The following BSPRY variants were observed in gnomAD, a reference collection of about 807,000 sequenced individuals.
BSPRY encodes B-box and SPRY domain containing, also known as B box and SPRY domain-containing protein.
In BSPRY, 33 loss-of-function variants were observed where a neutral mutation model predicts 38.0. The ratio of observed to expected loss-of-function variants is 0.87; its 90% CI spans 0.66 to 1.16. The LOEUF (loss-of-function observed/expected upper bound fraction) is 1.16, where lower values mean the gene tolerates loss of function less well. Ranked by LOEUF, BSPRY falls within the 50% of genes most tolerant of loss-of-function variation. BSPRY has a pLI of 0.00. For missense variants in BSPRY, 523 were observed against 533.2 expected (o/e 0.98, Z 0.19); for synonymous variants, 224 against 228.5 (o/e 0.98, Z 0.18).
intron 1 of BSPRY, among the ~76,000 whole-genome samples, chr9:113,351,386 A>C (rs1177281390): frequency 6.6e-6 from 1 of 152,164 alleles, no homozygotes; most frequent in Non-Finnish European, 1.5e-5. Context: ...ATTATTACCA[A>C]AACCAGCACC....
chr9:113,357,831 C>T (rs1284337996), intron 2 of BSPRY, among the ~76,000 whole-genome samples: 1 of 144,934 alleles, frequency 6.9e-6, no homozygotes, highest in Non-Finnish European at 1.5e-5. Flanking sequence ...GCCTTGGCCT[C>T]CCAAACTGCT....
chr9:113,366,018 T>C (rs1181859002), intron 4 of BSPRY, among the ~76,000 whole-genome samples: 2 of 152,156 alleles, frequency 1.3e-5, no homozygotes, highest in Non-Finnish European at 2.9e-5. Flanking sequence ...TTAGCCAGGC[T>C]GGTCTCGAAC....
intron 4 of BSPRY, 57 bp downstream of exon 4, chr9:113,362,451 A>G: frequency 7.1e-6 from 11 of 1,551,410 alleles, no homozygotes; most frequent in South Asian, 2.2e-5. Context: ...AGACCTCTTC[A>G]CACTCCACTG....
At position 113,369,791 on chromosome 9, in the gene BSPRY, T is replaced by C; in HGVS notation, c.858T>C (p.His286=). 6.2e-7 allele frequency: 1 copy of C among 1,614,240 alleles called. No individual in the cohort carries two copies. Among genetic ancestry groups the C allele is most frequent in the Non-Finnish European group, 8.5e-7 (1 of 1,180,034 alleles). ...CCACCTCCTTCCAGAATGGGCTCCA[T>C]GCCTGGATGGTGAATGTCCAGAACA... ...LAATSFQNGL[H]AWMVNVQNSC... is the part of the protein sequence containing the mutation. The change falls in exon 6 of 6, where the codon CAT becomes CAC. Residue 286 remains histidine, a synonymous_variant. Coordinates refer to ENST00000374183, the MANE Select transcript of BSPRY (RefSeq NM_017688.3).
At chr9:113,353,480 A>G (rs1335274181) in intron 1 of BSPRY, among the ~76,000 whole-genome samples, 1 of 152,180 alleles carries the variant, frequency 6.6e-6, no homozygotes, top group Non-Finnish European at 1.5e-5. Context: ...GGGCGGGCAG[A>G]TCACCTGAGG....
At chr9:113,357,886 C>CTATATATATATATA (rs59328879) in intron 2 of BSPRY, among the ~76,000 whole-genome samples, 3 of 96,830 alleles carry the variant, frequency 3.1e-5, no homozygotes, top group African/African-American at 8.6e-5. Flanking sequence ...CTGTAGAGTT[C>CTATATATATATATA]TATATATATA....
chr9:113,369,714 G>C lies in BSPRY; in HGVS notation c.781G>C (p.Ala261Pro), dbSNP rs34089316. The change falls in exon 6 of 6, where the codon GCC becomes CCC. Residue 261 changes from alanine (A) to proline (P), a missense_variant. Transcript: ENST00000374183. ...GACCTTCAGCACCAAGAAGTCAAAG[G>C]CCTGTGCAGATGGCCCGGAGCGCTT... The part of the protein sequence containing the change: ...TLTFSTKKSK[A>P]CADGPERFDH... 2,245 of 1,614,194 alleles carry C rather than the reference G, an allele frequency of 1.4e-3. 3 individuals carry two copies. Among genetic ancestry groups the C allele is most frequent in the Non-Finnish European group, 1.8e-3 (2,067 of 1,180,038 alleles).
At chr9:113,350,932 G>A (rs184507645) in intron 1 of BSPRY, among the ~76,000 whole-genome samples, 1 of 152,228 alleles carries the variant, frequency 6.6e-6, no homozygotes, top group East Asian at 1.9e-4. Flanking sequence ...CCTTTGAAGG[G>A]GTCCTACCTA....
chr9:113,349,561 A>C lies in BSPRY; in HGVS notation c.-19A>C. The stretch of plus-strand genomic sequence containing the variant: ...CCGCCACCTGCGACAGGTGGAGCGC[A>C]CGGGGCGGGCGCACGGCCATGTCCG... On this transcript the variant is annotated 5_prime_UTR_variant, in exon 1 of 6. Coordinates refer to ENST00000374183, the MANE Select transcript of BSPRY (RefSeq NM_017688.3). The C allele has an allele frequency of 8.8e-7, 1 of 1,134,540 alleles. No homozygotes were observed. The highest frequency in any genetic ancestry group is 1.1e-6 in the Non-Finnish European group (1 of 926,650). 70.3% of individuals were successfully genotyped at this position (1,134,540 alleles called of 1,614,324 possible).
At chr9:113,363,876 CAAAAAAAAAAAA>C (rs57026104) in intron 4 of BSPRY, among the ~76,000 whole-genome samples, 5 of 37,568 alleles carry the variant, frequency 1.3e-4, no homozygotes, top group African/African-American at 2.6e-4. Flanking sequence ...GACTCCACCT[CAAAAAAAAAAAA>C]AAAAAAAAAA....
At chr9:113,368,475 C>A in intron 5 of BSPRY, 92 bp downstream of exon 5, 1 of 1,487,754 alleles carries the variant, frequency 6.7e-7, no homozygotes, top group Non-Finnish European at 9.1e-7. Flanking sequence ...GGGACCCGTG[C>A]TTCTGAGATG....
chr9:113,362,174 G>GGTGTGTGTGTGTGTGTGTGTGT (rs10600721), intron 3 of BSPRY, among the ~76,000 whole-genome samples, 195 bp from the exon 4 acceptor site: 1 of 141,248 alleles, frequency 7.1e-6, no homozygotes, highest in Non-Finnish European at 1.5e-5. Context: ...ATGTGTTATG[G>GGTGTGTGTGTGTGTGTGTGTGT]GTGTGTGTGT....
rs190287745 is a variant in BSPRY at position 113,357,409 on chromosome 9, G to A, written c.300+3071G>A. ...TATTAATACAAAATTTCTGAATTTG[G>A]ATTGCTAATCTCAGTAAAGCATTTT... On this transcript the variant is annotated intron_variant, in intron 2 of 5. Transcript: ENST00000374183. Among the ~76,000 whole-genome samples the A allele has an allele frequency of 1.9e-3, 289 of 152,214 alleles. 1 individual carries two copies. Among genetic ancestry groups the A allele is most frequent in the Non-Finnish European group, 1.8e-4 (12 of 68,012 alleles).
At chr9:113,349,801 G>A (rs770124080) in intron 1 of BSPRY, 21 bp downstream of exon 1, 1 of 1,223,764 alleles carries the variant, frequency 8.2e-7, no homozygotes, top group East Asian at 3.3e-5. Context: ...GTGGGCGCCG[G>A]AAGGCGAGGG....
chr9:113,368,481 A>G (rs1834288674), intron 5 of BSPRY, 98 bp downstream of exon 5: 8 of 1,473,290 alleles, frequency 5.4e-6, no homozygotes, highest in Non-Finnish European at 7.4e-6. Flanking sequence ...CGTGCTTCTG[A>G]GATGATAGCT....
At chr9:113,360,390 C>T (rs1564339037) in intron 2 of BSPRY, 117 bp from the exon 3 acceptor site, 3 of 923,546 alleles carry the variant, frequency 3.2e-6, no homozygotes, top group Non-Finnish European at 5.0e-6. Context: ...CATTACTAAG[C>T]CCGTGGCAGA....
chr9:113,353,717 TA>T (rs977900349), intron 1 of BSPRY, among the ~76,000 whole-genome samples: 11 of 150,620 alleles, frequency 7.3e-5, no homozygotes, highest in Non-Finnish European at 1.2e-4. Context: ...AATAAATAAA[TA>T]AAAAAAAATA....
chr9:113,350,733 T>TCGGGAGG, intron 1 of BSPRY, among the ~76,000 whole-genome samples: 1 of 152,226 alleles, frequency 6.6e-6, no homozygotes, highest in South Asian at 2.1e-4. Flanking sequence ...GGTGCTGGGC[T>TCGGGAGG]CGGGAGGGGT....
intron 4 of BSPRY, among the ~76,000 whole-genome samples, chr9:113,363,004 T>G (rs1404037974): frequency 1.3e-5 from 2 of 152,220 alleles, no homozygotes; most frequent in African/African-American, 2.4e-5. Context: ...AGAGTTATAC[T>G]TAGGGAACAC....
Sources: allele counts gnomAD v4.1 joint callset (sites outside exome capture counted in the v4.1 genomes callset), GRCh38; gene constraint gnomAD v4.1.1; transcripts MANE v1.5; gene names NCBI Gene and HGNC (gene_info 2026-07-23, HGNC 2026-07-21).